Variants in STAU2 observed in about 807,000 individuals in gnomAD.
The protein encoded by STAU2 is staufen double-stranded RNA binding protein 2.
A neutral mutation model predicts 65.9 loss-of-function variants in STAU2; 20 were observed. The observed-to-expected ratio is 0.30, with a 90% CI of 0.21 to 0.44. The LOEUF is 0.44. Among genes scored for constraint, STAU2 ranks in the 20% least tolerant of loss-of-function variants. The pLI is 1.00. For synonymous variants in STAU2, 232 were observed against 233.9 expected (o/e 0.99, Z 0.07); for missense variants, 558 against 683.9 (o/e 0.82, Z 2.05).
At chr8:73,571,982 A>G (rs1276482337) in intron 12 of STAU2, among the ~76,000 whole-genome samples, 1 of 152,182 alleles carries the variant, frequency 6.6e-6, no homozygotes, top group African/African-American at 2.4e-5. Flanking sequence ...GAAAAGATCA[A>G]CAAAATTGAT....
chr8:73,473,147 A>G (rs1461578021), intron 13 of STAU2, among the ~76,000 whole-genome samples: 1 of 152,214 alleles, frequency 6.6e-6, no homozygotes, highest in Non-Finnish European at 1.5e-5. Context: ...ATATGCTGGC[A>G]GGCCGAGCAG....
Position 73,421,437 on chromosome 8 carries a change from C to A in STAU2, c.1648G>T (p.Asp550Tyr). ...GAGCCCGGGGGTGCCTGGTTATTGT[C>A]CGCTTTCTCTCTCAGATGCTTGGCT... ...KQAKHLREKADNNQAPPGSIA... is the reference protein window; with the variant it reads ...KQAKHLREKAYNNQAPPGSIA... The change falls in exon 15 of 15, where the codon GAC becomes TAC. Residue 550 changes from aspartate to tyrosine, a missense_variant. Physicochemically the swap from Asp to Tyr is radical, Grantham distance 160. This residue lies in a region of STAU2 where 247 missense variants were observed against 270.1 expected (regional missense o/e 0.91). Coordinates refer to ENST00000524300, the MANE Select transcript of STAU2 (RefSeq NM_001164380.2). 6.5e-7 allele frequency: 1 copy of A among 1,537,236 alleles called. No individual in the cohort carries two copies. The highest frequency in any genetic ancestry group is 8.7e-7 in the Non-Finnish European group (1 of 1,146,912).
chr8:73,434,102 A>T (rs1817523444), intron 13 of STAU2, among the ~76,000 whole-genome samples: 1 of 151,844 alleles, frequency 6.6e-6, no homozygotes, highest in African/African-American at 2.4e-5. Flanking sequence ...TTAAAGTCAG[A>T]GAACATTTCC....
At chr8:73,739,701 G>C in intron 2 of STAU2, 55 bp downstream of exon 2, 1 of 1,421,522 alleles carries the variant, frequency 7.0e-7, no homozygotes. Flanking sequence ...TGTATAAAGA[G>C]CACACGGCCT....
intron 13 of STAU2, chr8:73,511,710 A>AT (rs1359670226): frequency 6.6e-6 from 1 of 152,202 alleles, no homozygotes; most frequent in Non-Finnish European, 1.5e-5. Flanking sequence ...GTGGCTCTCA[A>AT]TTTTCATTTT....
intron 13 of STAU2, among the ~76,000 whole-genome samples, chr8:73,442,809 T>C (rs1183038453): frequency 1.3e-5 from 2 of 152,232 alleles, no homozygotes; most frequent in African/African-American, 4.8e-5. Flanking sequence ...CATTTCCTAA[T>C]ATGTATTACG....
chr8:73,527,585 G>T, intron 13 of STAU2: 2 of 741,510 alleles, frequency 2.7e-6, no homozygotes, highest in Non-Finnish European at 2.2e-6. Context: ...AGCAGATAAT[G>T]TATTAAGGAA....
At chr8:73,507,850 C>A (rs1822159317) in intron 13 of STAU2, among the ~76,000 whole-genome samples, 1 of 152,206 alleles carries the variant, frequency 6.6e-6, no homozygotes, top group Non-Finnish European at 1.5e-5. Flanking sequence ...TGCTGCTTCC[C>A]CTTACACTTT....
At chr8:73,558,876 A>C (rs1242128275) in intron 12 of STAU2, among the ~76,000 whole-genome samples, 1 of 152,212 alleles carries the variant, frequency 6.6e-6, no homozygotes, top group African/African-American at 2.4e-5. Context: ...TGGACTATAA[A>C]TTTGTTTATA....
intron 13 of STAU2, among the ~76,000 whole-genome samples, chr8:73,533,298 A>G (rs1275804769): frequency 6.6e-6 from 1 of 152,238 alleles, no homozygotes; most frequent in Non-Finnish European, 1.5e-5. Flanking sequence ...TACAAAAACT[A>G]TTCCACTGAA....
chr8:73,610,273 T>TAAA (rs551711660), intron 9 of STAU2, among the ~76,000 whole-genome samples: 2 of 134,314 alleles, frequency 1.5e-5, no homozygotes, highest in African/African-American at 5.4e-5. Context: ...AGACCCTGTT[T>TAAA]AAAAAAAAAA....
chr8:73,724,995 G>A (rs937061268), intron 3 of STAU2, among the ~76,000 whole-genome samples: 2 of 152,188 alleles, frequency 1.3e-5, no homozygotes, highest in East Asian at 1.9e-4. Flanking sequence ...TTAATTATGT[G>A]TATGAAATAC....
chr8:73,703,501 T>C (rs886209919), intron 4 of STAU2, among the ~76,000 whole-genome samples: 2 of 152,222 alleles, frequency 1.3e-5, no homozygotes, highest in African/African-American at 2.4e-5. Context: ...TGAAGACTTG[T>C]ATATAGATGT....
At chr8:73,582,505 T>C (rs1405644282) in intron 12 of STAU2, among the ~76,000 whole-genome samples, 2 of 151,824 alleles carry the variant, frequency 1.3e-5, no homozygotes, top group Non-Finnish European at 2.9e-5. Context: ...TCAATAAAAA[T>C]GGCAACTTTA....
intron 13 of STAU2, among the ~76,000 whole-genome samples, chr8:73,485,445 C>T (rs1460626004): frequency 6.6e-6 from 1 of 151,976 alleles, no homozygotes; most frequent in East Asian, 1.9e-4. Flanking sequence ...CAAGTGGCCT[C>T]GTGAGAAAAG....
intron 13 of STAU2, among the ~76,000 whole-genome samples, chr8:73,427,633 C>T (rs1162656076): frequency 6.6e-6 from 1 of 152,208 alleles, no homozygotes; most frequent in African/African-American, 2.4e-5. Flanking sequence ...GTGCATGTGC[C>T]CACAGCCTGT....
chr8:73,741,122 A>G (rs1025408928), intron 1 of STAU2, among the ~76,000 whole-genome samples: 1 of 149,734 alleles, frequency 6.7e-6, no homozygotes, highest in Non-Finnish European at 1.5e-5. Context: ...TGGCTAACAC[A>G]GTGAAACCCC....
chr8:73,582,197 C>A (rs1810036152), intron 12 of STAU2, among the ~76,000 whole-genome samples: 1 of 152,056 alleles, frequency 6.6e-6, no homozygotes, highest in Non-Finnish European at 1.5e-5. Context: ...TGGAACAAAG[C>A]AGCAATTTTA....
intron 6 of STAU2, among the ~76,000 whole-genome samples, chr8:73,625,373 G>C (rs145352807): frequency 6.6e-6 from 1 of 152,132 alleles, no homozygotes; most frequent in Non-Finnish European, 1.5e-5. Flanking sequence ...TTTTACAGTC[G>C]TACAAAGGAA....
Sources: allele counts gnomAD v4.1 joint callset (sites outside exome capture counted in the v4.1 genomes callset), GRCh38; gene constraint gnomAD v4.1.1; regional missense constraint gnomAD v4.1.1; transcripts MANE v1.5; gene names NCBI Gene and HGNC (gene_info 2026-07-23, HGNC 2026-07-21).